The following CES5A variants were observed in gnomAD, a reference collection of about 807,000 sequenced individuals.
CES5A encodes the protein carboxylesterase 5.
In CES5A, 67 loss-of-function variants were observed where a neutral mutation model predicts 62.9. The ratio of observed to expected loss-of-function variants is 1.07; its 90% CI spans 0.88 to 1.31. The LOEUF is 1.31. Ranked by LOEUF, CES5A falls within the 50% of genes most tolerant of loss-of-function variation. CES5A has a pLI of 0.00. For synonymous variants in CES5A, 296 were observed against 280.8 expected, an observed-to-expected ratio of 1.05 and a Z score of -0.54; for missense variants, 748 against 708.5, an observed-to-expected ratio of 1.06 and a Z score of -0.63.
intron 1 of CES5A, among the ~76,000 whole-genome samples, chr16:55,904,325 T>C (rs1171796582): frequency 2.6e-5 from 4 of 152,234 alleles, no homozygotes; most frequent in Admixed American, 6.5e-5. Flanking sequence ...TGAATCTCTT[T>C]CTACCTGCCC....
At chr16:55,891,498 A>C (rs925018583) in intron 1 of CES5A, among the ~76,000 whole-genome samples, 1 of 152,232 alleles carries the variant, frequency 6.6e-6, no homozygotes, top group Non-Finnish European at 1.5e-5. Context: ...TAAAATGAAC[A>C]TTGGTTCATT....
At chr16:55,891,902 C>T (rs2033883533) in intron 1 of CES5A, among the ~76,000 whole-genome samples, 1 of 152,154 alleles carries the variant, frequency 6.6e-6, no homozygotes, top group East Asian at 1.9e-4. Context: ...TACCCCAAAA[C>T]ATGTTTCTTT....
intron 1 of CES5A, among the ~76,000 whole-genome samples, chr16:55,887,286 A>T (rs1184038834): frequency 6.6e-6 from 1 of 151,866 alleles, no homozygotes; most frequent in Non-Finnish European, 1.5e-5. Flanking sequence ...TCCACGGGTC[A>T]ACAGTTGACC....
intron 1 of CES5A, among the ~76,000 whole-genome samples, chr16:55,887,716 G>A (rs114471310): frequency 0.012 from 1,758 of 152,196 alleles, 48 homozygotes; most frequent in African/African-American, 0.04. Context: ...AGGAGTGGAC[G>A]GTAAAAGACA....
chr16:55,929,869 A>G (rs1191070383), upstream of CES5A, among the ~76,000 whole-genome samples: 1 of 151,998 alleles, frequency 6.6e-6, no homozygotes, highest in African/African-American at 2.4e-5. Context: ...TTAAGTACTG[A>G]TTTTTGGCCC....
chr16:55,919,922 C>T (rs558559186), intron 1 of CES5A, among the ~76,000 whole-genome samples: 2 of 152,290 alleles, frequency 1.3e-5, no homozygotes, highest in South Asian at 2.1e-4. Context: ...GTTATTATCC[C>T]TATTCTCCAG....
chr16:55,880,736 T>A (rs2033753099), intron 1 of CES5A, among the ~76,000 whole-genome samples: 1 of 152,156 alleles, frequency 6.6e-6, no homozygotes, highest in Non-Finnish European at 1.5e-5. Context: ...GAGGCAAGGG[T>A]AATTACAAGT....
At chr16:55,913,200 G>A (rs1468906682) in intron 1 of CES5A, among the ~76,000 whole-genome samples, 2 of 152,140 alleles carry the variant, frequency 1.3e-5, no homozygotes, top group Non-Finnish European at 2.9e-5. Context: ...GAATCATAGG[G>A]GGGTCGAAGT....
chr16:55,923,523 T>C (rs1378991100), intron 1 of CES5A, among the ~76,000 whole-genome samples: 2 of 151,830 alleles, frequency 1.3e-5, no homozygotes, highest in Non-Finnish European at 3.0e-5. Context: ...AAAGCCATAA[T>C]AAAATGTCTC....
intron 1 of CES5A, among the ~76,000 whole-genome samples, chr16:55,895,990 G>A (rs1162550111): frequency 6.6e-6 from 1 of 152,142 alleles, no homozygotes; most frequent in East Asian, 1.9e-4. Flanking sequence ...GACGAGTTTA[G>A]CTTCCTCAGT....
At chr16:55,924,200 A>G (rs2034236839) in intron 1 of CES5A, among the ~76,000 whole-genome samples, 1 of 151,920 alleles carries the variant, frequency 6.6e-6, no homozygotes. Context: ...AACTGTTAGA[A>G]TTGATAAACA....
At chr16:55,847,800 TA>T (rs2033046831) in intron 11 of CES5A, among the ~76,000 whole-genome samples, 1 of 152,222 alleles carries the variant, frequency 6.6e-6, no homozygotes, top group Admixed American at 6.5e-5. Flanking sequence ...CTTTTGCTGG[TA>T]AAAGTAATAT....
chr16:55,876,523 A>G (rs114353353), upstream of CES5A, among the ~76,000 whole-genome samples: 982 of 152,208 alleles, frequency 6.5e-3, 13 homozygotes, highest in African/African-American at 0.023. Context: ...TAGGGAAAGC[A>G]TGTGTGATGC....
At position 55,869,629 on chromosome 16, in the gene CES5A, C is replaced by G; in HGVS notation, c.533G>C (p.Gly178Ala). Residue 178 changes from glycine (G) to alanine (A), a missense_variant, in exon 4 of 13, where the codon GGA becomes GCA. Coordinates refer to ENST00000290567, the MANE Select transcript of CES5A (RefSeq NM_001143685.2). ...GACTCACGTGAAGAAACCAAATATTCCTAGCCGGTACTGGACGACCACAAC... is the reference window on the plus strand; with the variant it reads ...GACTCACGTGAAGAAACCAAATATTGCTAGCCGGTACTGGACGACCACAAC... ...VLVVVVQYRL[G>A]IFGFFTTWDQ... The G allele has an allele frequency of 3.7e-6, 6 of 1,613,870 alleles. No homozygotes were observed. In the South Asian group the frequency reaches 6.6e-5, roughly 18 times the overall value.
chr16:55,886,937 C>T (rs141725909), intron 1 of CES5A, among the ~76,000 whole-genome samples: 47 of 152,138 alleles, frequency 3.1e-4, no homozygotes, highest in African/African-American at 1.1e-3. Flanking sequence ...GAACAAATGG[C>T]CCCAGGACCC....
At chr16:55,881,349 C>T (rs1252331960) in intron 1 of CES5A, among the ~76,000 whole-genome samples, 1 of 152,164 alleles carries the variant, frequency 6.6e-6, no homozygotes, top group Non-Finnish European at 1.5e-5. Flanking sequence ...CGTGATGTGG[C>T]TATTATGTCC....
At chr16:55,881,692 C>G (rs1233719105) in intron 1 of CES5A, among the ~76,000 whole-genome samples, 2 of 152,186 alleles carry the variant, frequency 1.3e-5, no homozygotes, top group Admixed American at 1.3e-4. Context: ...ATGAGGGACT[C>G]ACTACCTGAT....
chr16:55,902,463 T>A (rs1205362263), intron 1 of CES5A, among the ~76,000 whole-genome samples: 3 of 152,150 alleles, frequency 2.0e-5, no homozygotes, highest in Admixed American at 6.5e-5. Context: ...GTCTTCACTG[T>A]TTACCACTTC....
chr16:55,905,341 T>G (rs1173990540), intron 1 of CES5A, among the ~76,000 whole-genome samples: 1 of 151,624 alleles, frequency 6.6e-6, no homozygotes, highest in Non-Finnish European at 1.5e-5. Flanking sequence ...CACGTTATCC[T>G]GGCACTCCCC....
Sources: allele counts gnomAD v4.1 joint callset (sites outside exome capture counted in the v4.1 genomes callset), GRCh38; gene constraint gnomAD v4.1.1; transcripts MANE v1.5; gene names NCBI Gene and HGNC (gene_info 2026-07-23, HGNC 2026-07-21).